The following RPS6KA3 variants were observed in gnomAD, a reference collection of about 807,000 sequenced individuals.
RPS6KA3 encodes ribosomal protein S6 kinase A3.
A neutral mutation model predicts 67.2 loss-of-function variants in RPS6KA3; 4 were observed. The observed-to-expected ratio is 0.06, with a 90% confidence interval of 0.03 to 0.14. The LOEUF (loss-of-function observed/expected upper bound fraction) is 0.14. RPS6KA3 is among the 10% of genes least tolerant of loss of function. RPS6KA3 has a pLI of 1.00. For synonymous variants in RPS6KA3, 182 were observed against 183.7 expected, an observed-to-expected ratio of 0.99 and a Z score of 0.07; for missense variants, 204 against 559.0, an observed-to-expected ratio of 0.36 and a Z score of 6.40.
At chrX:20,196,429 C>G (rs2068273619) in intron 4 of RPS6KA3, among the ~76,000 whole-genome samples, 1 of 112,017 alleles carries the variant, frequency 8.9e-6, no homozygotes, top group Non-Finnish European at 1.9e-5. Flanking sequence ...GAAGGACAGA[C>G]AGGTAAATAA....
intron 17 of RPS6KA3, among the ~76,000 whole-genome samples, chrX:20,167,100 C>T (rs1259494167): frequency 8.9e-6 from 1 of 111,944 alleles, no homozygotes; most frequent in African/African-American, 3.2e-5. Context: ...GCTGGGATTA[C>T]AGGCATAAGC....
intron 2 of RPS6KA3, 100 bp from the exon 3 acceptor site, chrX:20,209,504 T>A: frequency 2.0e-6 from 1 of 510,479 alleles, no homozygotes; most frequent in Non-Finnish European, 3.4e-6. Context: ...AGAAATTAAT[T>A]AGAAATCAAT....
Position 20,184,403 on chromosome X carries a change from T to C in RPS6KA3, c.845+1893A>G, listed in dbSNP as rs774192416. 3.8e-5 allele frequency among the ~76,000 whole-genome samples: 4 copies of C among 104,747 alleles called. No homozygotes were observed. In the South Asian group the frequency reaches 1.8e-3, roughly 47 times the overall value. 91.0% of individuals were successfully genotyped at this position (104,747 alleles called of 115,157 possible). ...TGTGGTTCGCATTACTTTTCTTTTT[T>C]TTTTTTTTTTTTTGAGACAGGGTCT... On this transcript the variant is annotated intron_variant, in intron 10 of 21. Coordinates refer to ENST00000379565, the MANE Select transcript of RPS6KA3 (RefSeq NM_004586.3).
chrX:20,166,010 A>C (rs1317174235), intron 17 of RPS6KA3, among the ~76,000 whole-genome samples: 1 of 112,306 alleles, frequency 8.9e-6, no homozygotes, highest in Non-Finnish European at 1.9e-5. Flanking sequence ...AATGACTAAT[A>C]ATAAATTAGA....
chrX:20,247,681 G>A (rs886720699), intron 1 of RPS6KA3, among the ~76,000 whole-genome samples: 13 of 109,279 alleles, frequency 1.2e-4, no homozygotes, highest in Admixed American at 2.9e-4. Context: ...CAGCTACTTG[G>A]GAGGCTGAGG....
chrX:20,228,825 T>C (rs1189313365), intron 2 of RPS6KA3, among the ~76,000 whole-genome samples: 2 of 111,959 alleles, frequency 1.8e-5, no homozygotes, highest in Non-Finnish European at 3.8e-5. Context: ...TGGTTCAAGT[T>C]ACAGATATCT....
chrX:20,177,026 G>A lies in RPS6KA3; in HGVS notation c.904C>T (p.Leu302Phe). 1 of 1,208,062 alleles carries A rather than the reference G, an allele frequency of 8.3e-7. No homozygotes were observed. The highest frequency in any genetic ancestry group is 1.1e-6 in the Non-Finnish European group (1 of 891,989). The change falls in exon 11 of 22, where the codon CTT becomes TTT. Residue 302 changes from leucine to phenylalanine, a missense_variant. Physicochemically the swap from Leu to Phe is conservative, Grantham distance 22. Transcript: ENST00000379565. The part of the protein sequence containing the change: ...SPEAQSLLRM[L>F]FKRNPANRLG... Reference sequence around the variant, plus strand: ...CTGTTTGCAGGATTTCGCTTGAAAAGCATTCGTAAAAGACTCTGCGCTTCA... The same window carrying A: ...CTGTTTGCAGGATTTCGCTTGAAAAACATTCGTAAAAGACTCTGCGCTTCA...
intron 1 of RPS6KA3, among the ~76,000 whole-genome samples, chrX:20,239,134 G>T (rs968923415): frequency 1.3e-4 from 14 of 111,168 alleles, no homozygotes; most frequent in African/African-American, 3.6e-4. Flanking sequence ...CTGAACTTGG[G>T]TAAGTTATTT....
chrX:20,222,631 C>CAGA (rs1169891583), intron 2 of RPS6KA3, among the ~76,000 whole-genome samples: 1 of 111,728 alleles, frequency 9.0e-6, no homozygotes, highest in African/African-American at 3.2e-5. Context: ...TCACAGCAGC[C>CAGA]AGAATAATCT....
At chrX:20,249,863 T>C (rs762947915) in intron 1 of RPS6KA3, among the ~76,000 whole-genome samples, 1 of 112,501 alleles carries the variant, frequency 8.9e-6, no homozygotes, top group African/African-American at 3.2e-5. Flanking sequence ...TCTTCTCCTA[T>C]GTCTAAATTC....
intron 1 of RPS6KA3, among the ~76,000 whole-genome samples, chrX:20,251,550 C>T (rs1425981131): frequency 8.9e-6 from 1 of 112,809 alleles, no homozygotes; most frequent in Non-Finnish European, 1.9e-5. Context: ...ATGAGTTGTT[C>T]CCTATAGGTA....
At chrX:20,248,565 C>T (rs750499630) in intron 1 of RPS6KA3, among the ~76,000 whole-genome samples, 47 of 111,312 alleles carry the variant, frequency 4.2e-4, no homozygotes, top group African/African-American at 1.4e-3. Context: ...CTGCAAGCTC[C>T]GCCTCCCGGG....
intron 4 of RPS6KA3, among the ~76,000 whole-genome samples, chrX:20,196,106 G>A (rs748658819): frequency 8.9e-6 from 1 of 112,470 alleles, no homozygotes; most frequent in East Asian, 2.8e-4. Context: ...GACTTTTGGA[G>A]TGGCATTTAG....
At chrX:20,194,062 G>T in intron 6 of RPS6KA3, 127 bp downstream of exon 6, 1 of 468,744 alleles carries the variant, frequency 2.1e-6, no homozygotes, top group Admixed American at 4.0e-5. Flanking sequence ...AACTCTTTTT[G>T]GGTCTGATTC....
At chrX:20,208,857 G>A (rs192910239) in intron 3 of RPS6KA3, among the ~76,000 whole-genome samples, 160 of 111,441 alleles carry the variant, frequency 1.4e-3, no homozygotes, top group Non-Finnish European at 1.1e-3. Context: ...AAATTGTAGC[G>A]GTAGCCCCCA....
intron 4 of RPS6KA3, among the ~76,000 whole-genome samples, chrX:20,201,976 CTTTT>C (rs1282039865): frequency 2.5e-4 from 21 of 82,728 alleles, no homozygotes; most frequent in Non-Finnish European, 3.7e-4. Flanking sequence ...TTTCTTTTTT[CTTTT>C]TTTTTTTTTT....
chrX:20,254,450 A>G (rs1412095836), intron 1 of RPS6KA3, among the ~76,000 whole-genome samples: 1 of 112,171 alleles, frequency 8.9e-6, no homozygotes, highest in African/African-American at 3.2e-5. Flanking sequence ...TCTGGCTGAG[A>G]GAAAGGGTGC....
At chrX:20,163,104 G>T in intron 18 of RPS6KA3, 64 bp from the exon 19 acceptor site, 1 of 735,229 alleles carries the variant, frequency 1.4e-6, no homozygotes, top group Non-Finnish European at 2.2e-6. Flanking sequence ...GTAAGGCTAT[G>T]AGTTGAATTA....
chrX:20,266,947 C>T, upstream of RPS6KA3: 3 of 717,568 alleles, frequency 4.2e-6, no homozygotes, highest in South Asian at 7.1e-5. Flanking sequence ...ACGGCTCCGC[C>T]CCCCCCGCCG....
Sources: gnomAD v4.1 joint callset for allele counts (sites outside exome capture counted in the v4.1 genomes callset) on GRCh38, gnomAD v4.1.1 for gene constraint, MANE v1.5 for transcripts, NCBI Gene and HGNC (gene_info 2026-07-23, HGNC 2026-07-21) for gene names.